CDH18: variants seen among roughly 807,000 people sequenced by gnomAD.
The protein encoded by CDH18 is cadherin-18.
In CDH18, 31 loss-of-function variants were observed where a neutral mutation model predicts 67.9. The ratio of observed to expected loss-of-function variants is 0.46; its 90% CI spans 0.34 to 0.62. The LOEUF (loss-of-function observed/expected upper bound fraction) is 0.62. Among genes scored for constraint, CDH18 ranks in the 20% least tolerant of loss-of-function variants. The pLI is 0.01. For synonymous variants in CDH18, 362 were observed against 347.2 expected (o/e 1.04, Z -0.48); for missense variants, 890 against 975.5 (o/e 0.91, Z 1.17).
intron 1 of CDH18, chr5:20,331,226 G>T (rs1739142736): frequency 6.6e-6 from 1 of 152,162 alleles, no homozygotes; most frequent in Admixed American, 6.6e-5. Flanking sequence ...TCTACAATTT[G>T]AATGTTTATC....
At chr5:20,167,369 G>A (rs10076161) in intron 2 of CDH18, among the ~76,000 whole-genome samples, 15,477 of 151,950 alleles carry the variant, frequency 0.1, 1,067 homozygotes, top group African/African-American at 0.19. Context: ...GATTTTGATC[G>A]GGAGAGGGCA....
At chr5:19,514,399 T>G (rs982464216) in intron 10 of CDH18, among the ~76,000 whole-genome samples, 9 of 152,364 alleles carry the variant, frequency 5.9e-5, no homozygotes, top group Non-Finnish European at 1.2e-4. Flanking sequence ...TTTCTATTTC[T>G]AGATCCTTGA....
chr5:19,971,650 T>C (rs1387331492), intron 2 of CDH18, among the ~76,000 whole-genome samples: 2 of 151,940 alleles, frequency 1.3e-5, no homozygotes, highest in South Asian at 2.1e-4. Flanking sequence ...GATGAGAACA[T>C]ATGGACACAT....
chr5:19,926,495 TA>T (rs1793101923), intron 2 of CDH18, among the ~76,000 whole-genome samples: 1 of 152,076 alleles, frequency 6.6e-6, no homozygotes, highest in Admixed American at 6.6e-5. Flanking sequence ...CTCAATTTTG[TA>T]AAAAGAAAGT....
intron 1 of CDH18, among the ~76,000 whole-genome samples, chr5:20,259,220 G>A (rs1411115959): frequency 6.6e-6 from 1 of 152,116 alleles, no homozygotes; most frequent in Non-Finnish European, 1.5e-5. Context: ...CTGAGGGAGG[G>A]CTCAGAGGAA....
At chr5:20,384,243 C>T in intron 1 of CDH18, among the ~76,000 whole-genome samples, 1 of 152,060 alleles carries the variant, frequency 6.6e-6, no homozygotes, top group East Asian at 1.9e-4. Context: ...CAAGGAACAA[C>T]TCATTTCCCC....
At chr5:19,490,472 T>C (rs1280982065) in intron 11 of CDH18, among the ~76,000 whole-genome samples, 1 of 125,742 alleles carries the variant, frequency 8.0e-6, no homozygotes, top group Non-Finnish European at 1.6e-5. Flanking sequence ...TGGAGTGCAG[T>C]GGTGCGATCT....
At chr5:19,964,649 A>G in intron 2 of CDH18, among the ~76,000 whole-genome samples, 1 of 116,716 alleles carries the variant, frequency 8.6e-6, no homozygotes, top group African/African-American at 6.7e-5. Context: ...CCCTGTATCA[A>G]AAAAAAAAAA....
intron 2 of CDH18, among the ~76,000 whole-genome samples, chr5:19,901,419 C>A (rs1015721805): frequency 3.9e-5 from 6 of 152,004 alleles, no homozygotes; most frequent in African/African-American, 1.2e-4. Flanking sequence ...AACTAATAAT[C>A]CCTTAATTTA....
rs545593766 is a variant in CDH18, at chr5:20,390,963, G to A, written c.-579-135458C>T. 2.0e-4 allele frequency among the ~76,000 whole-genome samples: 30 copies of A among 151,890 alleles called. No individual in the cohort carries two copies. The East Asian group carries it at 3.1e-3, about 16-fold the overall frequency. ...AACACATGGACCCAGGAAGGGGAAC[G>A]TCACACACTGGGGCCTGTTGTGGGG... On this transcript the variant is annotated intron_variant, in intron 1 of 14. Transcript: ENST00000507958.
At chr5:19,683,683 G>T (rs1263615474) in intron 5 of CDH18, among the ~76,000 whole-genome samples, 1 of 151,982 alleles carries the variant, frequency 6.6e-6, no homozygotes, top group African/African-American at 2.4e-5. Context: ...TATTTGATAT[G>T]TTTGGAAACT....
intron 1 of CDH18, among the ~76,000 whole-genome samples, chr5:20,484,176 G>T (rs1426804109): frequency 6.6e-6 from 1 of 151,894 alleles, no homozygotes; most frequent in African/African-American, 2.4e-5. Flanking sequence ...TATATAAAAA[G>T]GTGCCCAAAT....
At chr5:19,899,749 C>T (rs999851529) in intron 2 of CDH18, among the ~76,000 whole-genome samples, 3 of 151,580 alleles carry the variant, frequency 2.0e-5, no homozygotes, top group Non-Finnish European at 2.9e-5. Flanking sequence ...ATATATATAA[C>T]AGAATAATAG....
In CDH18 at chr5:20,087,281, T is replaced by G. The variant is rs1400055593; in HGVS notation, c.-517-95267A>C. Among the ~76,000 whole-genome samples, 4 of 152,094 alleles carry G rather than the reference T, an allele frequency of 2.6e-5. No individual in the cohort carries two copies. In the East Asian group the frequency reaches 7.7e-4, roughly 29 times the overall value. On this transcript the variant is annotated intron_variant, in intron 2 of 14. Transcript: ENST00000507958. ...ACATGGAAAAACAAAGAAATTGGTT[T>G]CTTGAAATGGAATCTACTCTTTGTG... is the stretch of plus-strand genomic sequence containing the variant.
At chr5:20,519,777 C>G (rs1463399910) in intron 1 of CDH18, among the ~76,000 whole-genome samples, 2 of 151,348 alleles carry the variant, frequency 1.3e-5, no homozygotes, top group African/African-American at 4.9e-5. Flanking sequence ...TTAGATGATG[C>G]ATTTGCTCTT....
At chr5:20,532,413 A>G in intron 1 of CDH18, among the ~76,000 whole-genome samples, 1 of 152,074 alleles carries the variant, frequency 6.6e-6, no homozygotes. Context: ...CTCAGTGCTA[A>G]AATAATTTGC....
chr5:19,703,012 A>T (rs1443313839), intron 5 of CDH18, among the ~76,000 whole-genome samples: 11 of 150,576 alleles, frequency 7.3e-5, no homozygotes, highest in Non-Finnish European at 1.6e-4. Flanking sequence ...ATTTATAGAA[A>T]CAATGCTCAT....
intron 11 of CDH18, chr5:19,502,545 A>C (rs1668853324): frequency 3.8e-6 from 1 of 259,768 alleles, no homozygotes; most frequent in Non-Finnish European, 7.2e-6. Flanking sequence ...CAATGCTTAT[A>C]ATAACAAGAG....
chr5:20,520,292 G>C (rs1039576514), intron 1 of CDH18, among the ~76,000 whole-genome samples: 2 of 152,088 alleles, frequency 1.3e-5, no homozygotes, highest in African/African-American at 4.8e-5. Flanking sequence ...TATAATTTCT[G>C]TCCCTTGAAA....
Sources: gnomAD v4.1 joint callset for allele counts (sites outside exome capture counted in the v4.1 genomes callset) on GRCh38, gnomAD v4.1.1 for gene constraint, MANE v1.5 for transcripts, NCBI Gene and HGNC (gene_info 2026-07-23, HGNC 2026-07-21) for gene names.